PLXNA4: variants seen among roughly 807,000 people sequenced by gnomAD.
PLXNA4 encodes the protein plexin A4.
Under a neutral mutation model 191.8 loss-of-function variants are expected in PLXNA4, and 44 were observed. The ratio of observed to expected loss-of-function variants is 0.23; its 90% CI spans 0.18 to 0.29. The LOEUF (loss-of-function observed/expected upper bound fraction) is 0.29. PLXNA4 is among the 10% of genes least tolerant of loss of function. The pLI is 1.00. For synonymous variants in PLXNA4, 1,082 were observed against 1,009.5 expected (o/e 1.07, Z -1.36); for missense variants, 1,800 against 2,488.8 (o/e 0.72, Z 5.89).
intron 2 of PLXNA4, among the ~76,000 whole-genome samples, chr7:132,631,452 G>A (rs1393410517): frequency 6.6e-6 from 1 of 152,128 alleles, no homozygotes; most frequent in Non-Finnish European, 1.5e-5. Context: ...TGTAGGAAGG[G>A]TATTATTTGG....
chr7:132,182,362 C>T lies in PLXNA4; in HGVS notation c.3159-172G>A, dbSNP rs180870282. 7.9e-5 allele frequency among the ~76,000 whole-genome samples: 12 copies of T among 152,256 alleles called. No individual in the cohort carries two copies. The East Asian group carries it at 1.7e-3, about 22-fold the overall frequency. On this transcript the variant is annotated intron_variant, in intron 16 of 31. Coordinates refer to ENST00000321063, the MANE Select transcript of PLXNA4 (RefSeq NM_020911.2). Reference sequence around the variant, plus strand: ...TGCATAGTAATAAGGATGAGTATCTCGGCAGCCAAGGGGAGGGCAGTAATG... The same window carrying T: ...TGCATAGTAATAAGGATGAGTATCTTGGCAGCCAAGGGGAGGGCAGTAATG...
intron 1 of PLXNA4, among the ~76,000 whole-genome samples, chr7:132,573,749 TGA>T (rs973468469): frequency 6.6e-6 from 1 of 152,260 alleles, no homozygotes; most frequent in African/African-American, 2.4e-5. Context: ...GGAGGACAGA[TGA>T]GAGCCCGGGG....
At chr7:132,204,141 T>C (rs1340743439) in intron 10 of PLXNA4, among the ~76,000 whole-genome samples, 1 of 151,772 alleles carries the variant, frequency 6.6e-6, no homozygotes, top group Non-Finnish European at 1.5e-5. Flanking sequence ...CAGATTCCTG[T>C]TGTGCTCCTG....
At chr7:132,501,677 G>A (rs1462160126) in intron 2 of PLXNA4, among the ~76,000 whole-genome samples, 1 of 152,244 alleles carries the variant, frequency 6.6e-6, no homozygotes, top group Non-Finnish European at 1.5e-5. Context: ...AGGGAGGTGG[G>A]CGGGCCTTTC....
intron 3 of PLXNA4, among the ~76,000 whole-genome samples, chr7:132,452,585 G>A (rs973223725): frequency 6.6e-6 from 1 of 152,186 alleles, no homozygotes; most frequent in Admixed American, 6.5e-5. Flanking sequence ...GGTCTGAAAG[G>A]TGTAAGGGTC....
At chr7:132,447,768 A>T (rs1181750631) in intron 3 of PLXNA4, among the ~76,000 whole-genome samples, 4 of 152,038 alleles carry the variant, frequency 2.6e-5, no homozygotes, top group Non-Finnish European at 4.4e-5. Context: ...TGGGCAGATC[A>T]CTTGAGTACA....
At chr7:132,403,222 C>T (rs1486765405) in intron 3 of PLXNA4, among the ~76,000 whole-genome samples, 1 of 152,224 alleles carries the variant, frequency 6.6e-6, no homozygotes, top group Non-Finnish European at 1.5e-5. Context: ...GCCTGGTCCA[C>T]AAAAGCAGCA....
At chr7:132,290,894 A>G (rs1047482835) in intron 4 of PLXNA4, among the ~76,000 whole-genome samples, 2 of 152,256 alleles carry the variant, frequency 1.3e-5, no homozygotes, top group African/African-American at 4.8e-5. Flanking sequence ...AACCATATCC[A>G]GGCTACAGAA....
At chr7:132,264,147 GA>G (rs1281707973) in intron 4 of PLXNA4, 1 of 152,176 alleles carries the variant, frequency 6.6e-6, no homozygotes, top group Non-Finnish European at 1.5e-5. Flanking sequence ...AAAGAAAGAA[GA>G]AAAGCAACTA....
At chr7:132,386,216 C>T (rs749633048) in intron 3 of PLXNA4, among the ~76,000 whole-genome samples, 11 of 152,162 alleles carry the variant, frequency 7.2e-5, no homozygotes, top group Non-Finnish European at 1.2e-4. Context: ...TCCTGCCAGC[C>T]CTGTGTCCCC....
chr7:132,563,195 TCC>T (rs1801409776), intron 1 of PLXNA4, among the ~76,000 whole-genome samples: 1 of 87,120 alleles, frequency 1.1e-5, no homozygotes, highest in African/African-American at 4.4e-5. Context: ...TTCCTCCTCC[TCC>T]TCTTCCTCCT....
intron 3 of PLXNA4, among the ~76,000 whole-genome samples, chr7:132,481,393 A>G (rs1291547573): frequency 2.0e-5 from 3 of 152,010 alleles, no homozygotes; most frequent in Non-Finnish European, 2.9e-5. Context: ...CCTTAGGTAG[A>G]GTCTGTGATA....
intron 5 of PLXNA4, 151 bp from the exon 6 acceptor site, chr7:132,228,620 G>C (rs1196044374): frequency 9.9e-7 from 1 of 1,011,638 alleles, no homozygotes; most frequent in Admixed American, 2.8e-5. Flanking sequence ...CCTCAAGCCT[G>C]GTCCTCCTCC....
At chr7:132,422,254 G>T (rs1038687795) in intron 3 of PLXNA4, among the ~76,000 whole-genome samples, 1 of 152,162 alleles carries the variant, frequency 6.6e-6, no homozygotes, top group Non-Finnish European at 1.5e-5. Flanking sequence ...CAGAACAATG[G>T]GTGCCTTACC....
chr7:132,178,431 T>C (rs1796549119), intron 20 of PLXNA4, among the ~76,000 whole-genome samples: 1 of 152,124 alleles, frequency 6.6e-6, no homozygotes, highest in Admixed American at 6.5e-5. Context: ...AGTCTGCAGC[T>C]TTCCTTTAAG....
chr7:132,572,538 T>C (rs1802025911), intron 1 of PLXNA4, among the ~76,000 whole-genome samples: 1 of 152,154 alleles, frequency 6.6e-6, no homozygotes, highest in Non-Finnish European at 1.5e-5. Flanking sequence ...CTCCATGCCA[T>C]GCAGGGAAGC....
intron 3 of PLXNA4, among the ~76,000 whole-genome samples, chr7:132,479,198 G>A (rs546634267): frequency 6.6e-6 from 1 of 151,908 alleles, no homozygotes; most frequent in African/African-American, 2.4e-5. Context: ...GAACCCAGAA[G>A]TTTGAGGCTG....
At chr7:132,276,562 A>T (rs1023462051) in intron 4 of PLXNA4, among the ~76,000 whole-genome samples, 1 of 152,024 alleles carries the variant, frequency 6.6e-6, no homozygotes, top group South Asian at 2.1e-4. Flanking sequence ...CATGAACTGC[A>T]TGTAAGTTAA....
chr7:132,371,519 A>C (rs75502136), intron 3 of PLXNA4, among the ~76,000 whole-genome samples: 8,388 of 152,240 alleles, frequency 0.055, 270 homozygotes, highest in African/African-American at 0.078. Context: ...CTGAATAAAG[A>C]CTTGGGATAG....
Sources: gnomAD v4.1 joint callset for allele counts (sites outside exome capture counted in the v4.1 genomes callset) on GRCh38, gnomAD v4.1.1 for gene constraint, MANE v1.5 for transcripts, NCBI Gene and HGNC (gene_info 2026-07-23, HGNC 2026-07-21) for gene names.